ZWILCH: variants seen among roughly 807,000 people sequenced by gnomAD.
ZWILCH encodes protein zwilch homolog.
Under a neutral mutation model 79.9 loss-of-function variants are expected in ZWILCH, and 74 were observed. The observed-to-expected ratio is 0.93, with a 90% CI of 0.77 to 1.12. ZWILCH has a LOEUF of 1.12. ZWILCH is among the 50% of genes most tolerant of loss of function. ZWILCH has a pLI of 0.00. For missense variants in ZWILCH, 694 were observed against 687.5 expected (o/e 1.01, Z -0.11); for synonymous variants, 241 against 228.2 (o/e 1.06, Z -0.51).
At chr15:66,543,770 A>G (rs1180409586) in intron 17 of ZWILCH, among the ~76,000 whole-genome samples, 2 of 151,910 alleles carry the variant, frequency 1.3e-5, no homozygotes, top group African/African-American at 4.8e-5. Context: ...AAAAAAAAAA[A>G]AAGTTCTGTT....
In ZWILCH at chr15:66,519,035, C is replaced by A; in HGVS notation, c.477C>A (p.Asn159Lys). The change falls in exon 5 of 19, where the codon AAC (asparagine) becomes AAA (lysine). Residue 159 changes from asparagine (N) to lysine (K), a missense_variant. Coordinates refer to ENST00000307897, the MANE Select transcript of ZWILCH (RefSeq NM_017975.5). ...TAGGAGCTGAGCTTATCACAACAAA[C>A]AACAGCATTACAGGAATTGTCTTAT... is the stretch of plus-strand genomic sequence containing the variant. ...CWLGAELITT[N>K]NSITGIVLYV... 6.2e-7 allele frequency: 1 copy of A among 1,614,180 alleles called. No individual in the cohort carries two copies. Among genetic ancestry groups the A allele is most frequent in the South Asian group, 1.1e-5 (1 of 91,082 alleles).
At chr15:66,511,619 T>C (rs1312127131) in intron 2 of ZWILCH, among the ~76,000 whole-genome samples, 1 of 151,970 alleles carries the variant, frequency 6.6e-6, no homozygotes, top group Non-Finnish European at 1.5e-5. Context: ...ATGCTTTTTT[T>C]CTTTCTTTTT....
At chr15:66,520,771 A>G (rs1242204076) in intron 6 of ZWILCH, 111 bp downstream of exon 6, 2 of 766,862 alleles carry the variant, frequency 2.6e-6, no homozygotes, top group South Asian at 3.8e-5. Context: ...TTTCTGTAGT[A>G]TGAAAATGTT....
intron 17 of ZWILCH, among the ~76,000 whole-genome samples, chr15:66,543,434 G>A (rs1346245253): frequency 6.6e-6 from 1 of 152,128 alleles, no homozygotes; most frequent in Non-Finnish European, 1.5e-5. Context: ...CTGAACATTA[G>A]AATCATCTGC....
rs765592456 is a variant in ZWILCH at position 66,550,072 on chromosome 15, A to G, written c.*1748A>G. ...CAAGCATCTGATTGTTGATAGAGCA[A>G]GTTTCCAAAGCTTTGAGGTACCAAC... On this transcript the variant is annotated 3_prime_UTR_variant, in exon 19 of 19. Transcript: ENST00000307897. The G allele has an allele frequency of 6.2e-7, 1 of 1,606,100 alleles. No individual in the cohort carries two copies. Among genetic ancestry groups the G allele is most frequent in the Admixed American group, 1.7e-5 (1 of 58,644 alleles).
intron 1 of ZWILCH, 85 bp downstream of exon 1, chr15:66,505,476 C>G: frequency 6.6e-7 from 1 of 1,522,624 alleles, no homozygotes; most frequent in Non-Finnish European, 9.1e-7. Flanking sequence ...AAGCCTCTTG[C>G]CACTCTGGGG....
chr15:66,539,401 CAAAAAAAA>C (rs536047404), intron 16 of ZWILCH, among the ~76,000 whole-genome samples: 5 of 58,066 alleles, frequency 8.6e-5, no homozygotes, highest in African/African-American at 3.1e-4. Context: ...AAGACCCTGT[CAAAAAAAA>C]AAAAAAAAAA....
In ZWILCH at chr15:66,509,844, T is replaced by TGAGAAGCTGTA. The variant is rs1567039391; in HGVS notation, c.105+952_105+953insGAGAAGCTGTA. ...CTACATATATATATATATATATATA[T>TGAGAAGCTGTA]ATATATATATATATATATATATATA... On this transcript the variant is annotated intron_variant, in intron 2 of 18. Transcript: ENST00000307897. 1.8e-3 allele frequency among the ~76,000 whole-genome samples: 139 copies of TGAGAAGCTGTA among 76,802 alleles called. 2 individuals are homozygous for TGAGAAGCTGTA. The highest frequency in any genetic ancestry group is 0.013 in the Middle Eastern group (2 of 152). The allele number at this position is 76,802 out of a possible 152,430, so 50.4% of individuals were successfully genotyped here.
intron 14 of ZWILCH, 133 bp from the exon 15 acceptor site, chr15:66,535,800 T>G (rs1894996621): frequency 1.2e-5 from 8 of 675,814 alleles, no homozygotes; most frequent in Non-Finnish European, 1.9e-5. Flanking sequence ...CTATCTAGCT[T>G]CTTCTGGTCT....
chr15:66,525,953 G>C (rs1894658661), intron 8 of ZWILCH, among the ~76,000 whole-genome samples: 1 of 151,474 alleles, frequency 6.6e-6, no homozygotes, highest in African/African-American at 2.4e-5. Context: ...TAGTTCAAGA[G>C]GGGTTTCGCC....
Position 66,532,282 on chromosome 15 carries a change from C to T in ZWILCH, c.1191C>T (p.Leu397=). The change falls in exon 13 of 19, where the codon CTC becomes CTT. Residue 397 remains leucine, a synonymous_variant. Coordinates refer to ENST00000307897, the MANE Select transcript of ZWILCH (RefSeq NM_017975.5). The part of the protein sequence containing the change: ...HSGSNSLLSK[L]IHQSYHGTMD... ...GAAGTAACAGTTTACTAAGTAAGCT[C>T]ATTCATCAGTCTTATCATGGAACCA... The T allele has an allele frequency of 2.5e-6, 4 of 1,603,472 alleles. 1 individual carries two copies. In the South Asian group the frequency reaches 3.4e-5, roughly 14 times the overall value.
chr15:66,544,033 G>A (rs1046811095), intron 17 of ZWILCH, among the ~76,000 whole-genome samples: 5 of 152,122 alleles, frequency 3.3e-5, no homozygotes, highest in Non-Finnish European at 5.9e-5. Flanking sequence ...GCCAAGGCGG[G>A]TGGATCACCT....
At position 66,508,783 on chromosome 15, in the gene ZWILCH, T is replaced by C. The variant is rs1420182888; in HGVS notation, c.54-58T>C. On this transcript the variant is annotated intron_variant, in intron 1 of 18. Transcript: ENST00000307897. ...GATAAAGTGATGACTGACTCCTGAG[T>C]GTGAATAACGGGAGAGATAATGTAG... 5.0e-6 allele frequency: 8 copies of C among 1,607,332 alleles called. No homozygotes were observed. The African/African-American group carries it at 1.1e-4, about 21-fold the overall frequency.
chr15:66,514,609 GACTT>G (rs1311762470), intron 3 of ZWILCH: 1 of 152,914 alleles, frequency 6.5e-6, no homozygotes, highest in East Asian at 1.9e-4. Context: ...ACGCCCTGCT[GACTT>G]ACTTCTTTTG....
rs111319577 is a variant in ZWILCH, at chr15:66,517,417, C to T, written c.321-1462C>T. ...CCTATAGATTTTGTGTTTGTGTGTG[C>T]GTGTGTGTGTGTGTATATATATATA... On this transcript the variant is annotated intron_variant, in intron 4 of 18. Transcript: ENST00000307897. Among the ~76,000 whole-genome samples the T allele has an allele frequency of 8.0e-3, 644 of 80,700 alleles. 6 individuals carry two copies. Among genetic ancestry groups the T allele is most frequent in the Admixed American group, 0.012 (79 of 6,742 alleles). The allele number at this position is 80,700 out of a possible 152,430, so 52.9% of individuals were successfully genotyped here. A position where few individuals can be genotyped will look rare whatever the true frequency, so the allele number is the denominator to read the frequency against.
chr15:66,525,818 G>A (rs1426867967), intron 8 of ZWILCH, among the ~76,000 whole-genome samples: 1 of 136,590 alleles, frequency 7.3e-6, no homozygotes, highest in Admixed American at 8.3e-5. Context: ...CTGGAGTGCA[G>A]TGGTGTAGTC....
chr15:66,527,143 A>G (rs1361376172), intron 8 of ZWILCH, 147 bp from the exon 9 acceptor site: 3 of 621,182 alleles, frequency 4.8e-6, no homozygotes, highest in Non-Finnish European at 8.7e-6. Context: ...AATAACATGT[A>G]CTATACATAA....
chr15:66,510,962 AG>A (rs1567040041), intron 2 of ZWILCH, among the ~76,000 whole-genome samples: 1 of 152,136 alleles, frequency 6.6e-6, no homozygotes, highest in African/African-American at 2.4e-5. Context: ...TTTATTTCCA[AG>A]TAAAGTCACA....
At chr15:66,505,514 T>C in intron 1 of ZWILCH, 123 bp downstream of exon 1, 7 of 1,238,294 alleles carry the variant, frequency 5.7e-6, no homozygotes, top group African/African-American at 1.5e-5. Flanking sequence ...TTTCCTGGGG[T>C]CCAGGAGTTG....
Sources: gnomAD v4.1 joint callset for allele counts (sites outside exome capture counted in the v4.1 genomes callset) on GRCh38, gnomAD v4.1.1 for gene constraint, MANE v1.5 for transcripts, NCBI Gene and HGNC (gene_info 2026-07-23, HGNC 2026-07-21) for gene names.